EPS8: variants seen among roughly 807,000 people sequenced by gnomAD.
The protein encoded by EPS8 is EGFR pathway substrate 8, signaling adaptor.
Under a neutral mutation model 103.8 loss-of-function variants are expected in EPS8, and 42 were observed. The observed-to-expected ratio is 0.40, with a 90% CI of 0.32 to 0.52. The LOEUF is 0.52. Ranked by LOEUF, EPS8 falls within the 20% of genes least tolerant of loss-of-function variation. The pLI is 0.40. For missense variants in EPS8, 969 were observed against 1,005.1 expected (o/e 0.96, Z 0.49); for synonymous variants, 344 against 344.6 (o/e 1.00, Z 0.02).
rs375337854 is a variant in EPS8, at chr12:15,650,936, T to C, written c.1321A>G (p.Met441Val). Residue 441 changes from methionine (M) to valine (V), a missense_variant, in exon 14 of 21, where the codon ATG becomes GTG. By Grantham distance (21) the Met-to-Val change is conservative. Transcript: ENST00000281172. ...ATTGTGGCTCCCATAAAGTTCAGCA[T>C]TGGGGGCTCCCAGCCATTGCGGAAT... ...PRFRNGWEPP[M>V]LNFMGATMEQ... is the part of the protein sequence containing the mutation. The C allele has an allele frequency of 3.7e-5, 60 of 1,613,974 alleles. No individual in the cohort carries two copies. The highest frequency in any genetic ancestry group is 3.3e-4 in the Middle Eastern group (2 of 6,084).
chr12:15,732,288 T>C (rs941122508), intron 1 of EPS8, among the ~76,000 whole-genome samples: 2 of 152,190 alleles, frequency 1.3e-5, no homozygotes, highest in Non-Finnish European at 2.9e-5. Flanking sequence ...ATGCATTCCA[T>C]TTTGAGCCCA....
Position 15,759,051 on chromosome 12 carries a change from C to A in EPS8, c.-22+30110G>T, listed in dbSNP as rs1232648630. Among the ~76,000 whole-genome samples the A allele has an allele frequency of 6.6e-6, 1 of 151,972 alleles. No homozygotes were observed. Among genetic ancestry groups the A allele is most frequent in the African/African-American group, 2.4e-5 (1 of 41,370 alleles). On this transcript the variant is annotated intron_variant, in intron 1 of 20. Coordinates refer to ENST00000281172, the MANE Select transcript of EPS8 (RefSeq NM_004447.6). This position sits in a 1 kb window ranked among gnomAD's most constrained non-coding sequence, Gnocchi z 4.9. ...TTTAAAATTTTTTAATTAAAAGATG[C>A]AGGGGAATTAAACTTTCTCCCTTCT...
At chr12:15,673,026 TATTAAGA>T (rs777776867) in intron 3 of EPS8, among the ~76,000 whole-genome samples, 67 of 152,346 alleles carry the variant, frequency 4.4e-4, no homozygotes, top group Non-Finnish European at 8.7e-4. Context: ...CATTATGAAG[TATTAAGA>T]ATTTATCCCT....
At position 15,787,784 on chromosome 12, in the gene EPS8, G is replaced by A. The variant is rs969157638; in HGVS notation, c.-22+1377C>T. ...ATACATTCTACCTTACCCTTTATGT[G>A]ACAATTCTATACTGTTTTAACTGTC... On this transcript the variant is annotated intron_variant, in intron 1 of 20. Transcript: ENST00000281172. This position sits in a 1 kb window ranked among gnomAD's most constrained non-coding sequence, Gnocchi z 4.9. Among the ~76,000 whole-genome samples the A allele has an allele frequency of 1.3e-5, 2 of 152,106 alleles. No homozygotes were observed. The highest frequency in any genetic ancestry group is 4.8e-5 in the African/African-American group (2 of 41,394).
rs1387118399 is a variant in EPS8 at position 15,702,400 on chromosome 12, C to T, written c.-21-19428G>A. Among the ~76,000 whole-genome samples the T allele has an allele frequency of 6.6e-6, 1 of 152,122 alleles. No homozygotes were observed. Among genetic ancestry groups the T allele is most frequent in the Non-Finnish European group, 1.5e-5 (1 of 68,024 alleles). On this transcript the variant is annotated intron_variant, in intron 1 of 20. Coordinates refer to ENST00000281172, the MANE Select transcript of EPS8 (RefSeq NM_004447.6). This position sits in a 1 kb window ranked among gnomAD's most constrained non-coding sequence, Gnocchi z 5.1. ...GTTAAGCATTTTCATCCATAGGAAG[C>T]ACTTTTAAACTACAAACACTTCTGG...
intron 17 of EPS8, among the ~76,000 whole-genome samples, chr12:15,635,503 G>C (rs1351611735): frequency 6.6e-6 from 1 of 152,066 alleles, no homozygotes; most frequent in African/African-American, 2.4e-5. Context: ...AGCCATCTTT[G>C]GTAAAATCGT....
At chr12:15,629,005 A>T (rs765187610) in intron 18 of EPS8, among the ~76,000 whole-genome samples, 51 of 152,200 alleles carry the variant, frequency 3.4e-4, no homozygotes, top group Non-Finnish European at 6.2e-4. Flanking sequence ...TTTAATGCCA[A>T]ACTGTATTTT....
chr12:15,730,990 G>A (rs571858049), intron 1 of EPS8, among the ~76,000 whole-genome samples: 1 of 152,226 alleles, frequency 6.6e-6, no homozygotes, highest in South Asian at 2.1e-4. Flanking sequence ...TTTAAAAATA[G>A]ATTCACAGAT....
chr12:15,628,818 T>C (rs917715816), intron 18 of EPS8, among the ~76,000 whole-genome samples: 6 of 152,222 alleles, frequency 3.9e-5, no homozygotes, highest in Non-Finnish European at 7.3e-5. Flanking sequence ...AAGCAGAGAA[T>C]GTGGGTAGAT....
rs576612855 is a variant in EPS8, at chr12:15,777,595, C to A, written c.-22+11566G>T. On this transcript the variant is annotated intron_variant, in intron 1 of 20. Coordinates refer to ENST00000281172, the MANE Select transcript of EPS8 (RefSeq NM_004447.6). This position sits in a 1 kb window ranked among gnomAD's most constrained non-coding sequence, Gnocchi z 4.7. ...ACTGTCATAACCACTATGAATGTCT[C>A]TTTTATTCAGACTTCTCTCTCCATG... Among the ~76,000 whole-genome samples, 1 of 152,186 alleles carries A rather than the reference C, an allele frequency of 6.6e-6. No individual in the cohort carries two copies. Among genetic ancestry groups the A allele is most frequent in the Non-Finnish European group, 1.5e-5 (1 of 68,038 alleles).
chr12:15,774,428 A>G (rs994266087), intron 1 of EPS8, among the ~76,000 whole-genome samples: 1 of 150,900 alleles, frequency 6.6e-6, no homozygotes, highest in Admixed American at 6.6e-5. Context: ...AAATTATTAG[A>G]TCACAAGGTT....
intron 5 of EPS8, 58 bp from the exon 6 acceptor site, chr12:15,669,594 G>A: frequency 1.9e-6 from 3 of 1,553,104 alleles, no homozygotes; most frequent in Non-Finnish European, 2.6e-6. Flanking sequence ...CAAACAATCT[G>A]AAATGATTGT....
At chr12:15,712,960 A>AGGGT in intron 1 of EPS8, 1 of 985,420 alleles carries the variant, frequency 1.0e-6, no homozygotes, top group Non-Finnish European at 1.2e-6. Context: ...AACGTCAGAA[A>AGGGT]GGGTGGGACT....
Position 15,759,345 on chromosome 12 carries a change from T to C in EPS8, c.-22+29816A>G, listed in dbSNP as rs1158242268. Among the ~76,000 whole-genome samples the C allele has an allele frequency of 1.3e-5, 2 of 152,122 alleles. No individual in the cohort carries two copies. The highest frequency in any genetic ancestry group is 3.8e-4 in the East Asian group (2 of 5,196). Reference sequence around the variant, plus strand: ...AAGGCAACAATTAGCTATACTTCCATAATTTTGATCTGATTCAACACAACT... The same window carrying C: ...AAGGCAACAATTAGCTATACTTCCACAATTTTGATCTGATTCAACACAACT... On this transcript the variant is annotated intron_variant, in intron 1 of 20. Transcript: ENST00000281172. The surrounding 1 kb of genome is among the most constrained non-coding windows in gnomAD (Gnocchi z 4.9).
At position 15,698,772 on chromosome 12, in the gene EPS8, G is replaced by A. The variant is rs1470775789; in HGVS notation, c.-21-15800C>T. On this transcript the variant is annotated intron_variant, in intron 1 of 20. Transcript: ENST00000281172. The surrounding 1 kb of genome is among the most constrained non-coding windows in gnomAD (Gnocchi z 4.9). Reference sequence around the variant, plus strand: ...AGGAGATTCAGTGTTTACAAGAATGGTGTTTAATCTCAACTGCCTCTGTTG... The same window carrying A: ...AGGAGATTCAGTGTTTACAAGAATGATGTTTAATCTCAACTGCCTCTGTTG... Among the ~76,000 whole-genome samples, 1 of 152,120 alleles carries A rather than the reference G, an allele frequency of 6.6e-6. No homozygotes were observed. The highest frequency in any genetic ancestry group is 1.5e-5 in the Non-Finnish European group (1 of 68,030).
chr12:15,679,705 G>A (rs1371167482), intron 3 of EPS8, among the ~76,000 whole-genome samples: 1 of 152,072 alleles, frequency 6.6e-6, no homozygotes, highest in Non-Finnish European at 1.5e-5. Context: ...AGCACATTTA[G>A]CCCTTTATTA....
At chr12:15,669,853 T>G in intron 4 of EPS8, 28 bp from the exon 5 acceptor site, 1 of 1,550,586 alleles carries the variant, frequency 6.4e-7, no homozygotes. Context: ...GGAAAAAGAT[T>G]TATAACACAT....
At chr12:15,654,344 T>C (rs1397022035) in intron 12 of EPS8, 51 bp from the exon 13 acceptor site, 2 of 1,560,478 alleles carry the variant, frequency 1.3e-6, no homozygotes, top group Admixed American at 1.8e-5. Flanking sequence ...CTTTGTGTAT[T>C]TTCAAAATGT....
Position 15,767,211 on chromosome 12 carries a change from T to C in EPS8, c.-22+21950A>G, listed in dbSNP as rs1233561208. Among the ~76,000 whole-genome samples, 1 of 152,176 alleles carries C rather than the reference T, an allele frequency of 6.6e-6. No homozygotes were observed. Among genetic ancestry groups the C allele is most frequent in the Non-Finnish European group, 1.5e-5 (1 of 68,016 alleles). On this transcript the variant is annotated intron_variant, in intron 1 of 20. Transcript: ENST00000281172. This position sits in a 1 kb window ranked among gnomAD's most constrained non-coding sequence, Gnocchi z 5.5. Reference sequence around the variant, plus strand: ...TCTAAATAATATTGTTCAAAATATATCAATGTTAATAAGAAGTTTACAAAT... The same window carrying C: ...TCTAAATAATATTGTTCAAAATATACCAATGTTAATAAGAAGTTTACAAAT...
Sources: gnomAD v4.1 joint callset for allele counts (sites outside exome capture counted in the v4.1 genomes callset) on GRCh38, gnomAD v4.1.1 for gene constraint, Gnocchi (gnomAD v3.1) non-coding constraint, MANE v1.5 for transcripts, NCBI Gene and HGNC (gene_info 2026-07-23, HGNC 2026-07-21) for gene names.